RFWD3: variants seen among roughly 807,000 people sequenced by gnomAD.
RFWD3 encodes E3 ubiquitin-protein ligase RFWD3.
In RFWD3, 65 loss-of-function variants were observed where a neutral mutation model predicts 87.7. The observed-to-expected ratio is 0.74, with a 90% CI of 0.61 to 0.91. The LOEUF (loss-of-function observed/expected upper bound fraction) is 0.91, where lower values mean the gene tolerates loss of function less well. RFWD3 is among the 40% of genes least tolerant of loss of function. RFWD3 has a pLI of 0.00. For missense variants in RFWD3, 1,078 were observed against 938.5 expected (o/e 1.15, Z -1.94); for synonymous variants, 433 against 352.8 (o/e 1.23, Z -2.55).
Position 74,625,744 on chromosome 16 carries a change from G to A in RFWD3, c.2181+599C>T, listed in dbSNP as rs1396946289. 2.0e-5 allele frequency among the ~76,000 whole-genome samples: 3 copies of A among 152,178 alleles called. No individual in the cohort carries two copies. In the East Asian group the frequency reaches 5.8e-4, roughly 29 times the overall value. On this transcript the variant is annotated intron_variant, in intron 12 of 12. Transcript: ENST00000361070. ...CTTCTAGAGTGGCACTATACAATAT[G>A]GTGGCCTCTAGTCACACAAGTTTAT...
At chr16:74,656,308 CAAAA>C (rs71158534) in intron 2 of RFWD3, among the ~76,000 whole-genome samples, 3 of 64,216 alleles carry the variant, frequency 4.7e-5, no homozygotes, top group African/African-American at 1.5e-4. Context: ...CTTGTCTTGC[CAAAA>C]AAAAAAAAAA....
At chr16:74,633,261 G>A (rs1196071240) in intron 8 of RFWD3, among the ~76,000 whole-genome samples, 1 of 120,284 alleles carries the variant, frequency 8.3e-6, no homozygotes, top group Non-Finnish European at 1.6e-5. Flanking sequence ...TGGGCAACCA[G>A]AGCAAAACTC....
chr16:74,637,387 G>A (rs1440118240), intron 7 of RFWD3, among the ~76,000 whole-genome samples: 1 of 152,158 alleles, frequency 6.6e-6, no homozygotes, highest in Non-Finnish European at 1.5e-5. Context: ...AGCACTTTGG[G>A]AAGCCAAGGC....
At position 74,639,063 on chromosome 16, in the gene RFWD3, G is replaced by A. The variant is rs189501175; in HGVS notation, c.1080-1093C>T. Among the ~76,000 whole-genome samples, 366 of 134,170 alleles carry A rather than the reference G, an allele frequency of 2.7e-3. 1 individual carries two copies. The highest frequency in any genetic ancestry group is 8.9e-3 in the African/African-American group (316 of 35,420). The allele number at this position is 134,170 out of a possible 152,430, so 88.0% of individuals were successfully genotyped here. Reference sequence around the variant, plus strand: ...TTTTTTTTTTTTTTTTTTTTAGCCCGAGTCTCACTCCATTGCCTAGGCTGC... The same window carrying A: ...TTTTTTTTTTTTTTTTTTTTAGCCCAAGTCTCACTCCATTGCCTAGGCTGC... On this transcript the variant is annotated intron_variant, in intron 6 of 12. Transcript: ENST00000361070.
chr16:74,650,817 C>T (rs1251460829), intron 3 of RFWD3, among the ~76,000 whole-genome samples: 2 of 151,476 alleles, frequency 1.3e-5, no homozygotes, highest in Non-Finnish European at 2.9e-5. Flanking sequence ...GTCAAGGCTG[C>T]GGTGAGCTGT....
chr16:74,666,267 G>A lies in RFWD3; in HGVS notation c.-3+519C>T, dbSNP rs116170072. 366 of 152,282 alleles carry A rather than the reference G, an allele frequency of 2.4e-3. 1 individual carries two copies. The highest frequency in any genetic ancestry group is 8.3e-3 in the African/African-American group (344 of 41,562). 9.4% of individuals were successfully genotyped at this position (152,282 alleles called of 1,614,324 possible). A position where few individuals can be genotyped will look rare whatever the true frequency, so the allele number is the denominator to read the frequency against. ...TTAAATCCCTGTTCTTTTACTACAT[G>A]GGGAAACTTTGGGCGGGTTTCCTAA... On this transcript the variant is annotated intron_variant, in intron 1 of 12. Coordinates refer to ENST00000361070, the MANE Select transcript of RFWD3 (RefSeq NM_018124.4).
rs183164422 is a variant in RFWD3 at position 74,637,762 on chromosome 16, A to T, written c.1194+94T>A. Reference sequence around the variant, plus strand: ...TGTTCATTTCCTAAACAACTTGGCAAATCCTATTTGTTTCTGAGATGAACA... The same window carrying T: ...TGTTCATTTCCTAAACAACTTGGCATATCCTATTTGTTTCTGAGATGAACA... On this transcript the variant is annotated intron_variant, in intron 7 of 12. Coordinates refer to ENST00000361070, the MANE Select transcript of RFWD3 (RefSeq NM_018124.4). The T allele has an allele frequency of 2.0e-4, 183 of 898,406 alleles. 1 individual carries two copies. The African/African-American group carries it at 2.7e-3, about 13-fold the overall frequency. 55.7% of individuals were successfully genotyped at this position (898,406 alleles called of 1,614,324 possible).
At chr16:74,661,509 G>C in intron 1 of RFWD3, 58 bp from the exon 2 acceptor site, 2 of 1,358,184 alleles carry the variant, frequency 1.5e-6, no homozygotes, top group Non-Finnish European at 2.0e-6. Flanking sequence ...TGCTATGTAG[G>C]TGACAGAATC....
At position 74,647,945 on chromosome 16, in the gene RFWD3, T is replaced by C. The variant is rs148909927; in HGVS notation, c.792+1187A>G. On this transcript the variant is annotated intron_variant, in intron 4 of 12. Coordinates refer to ENST00000361070, the MANE Select transcript of RFWD3 (RefSeq NM_018124.4). The stretch of plus-strand genomic sequence containing the variant: ...CTACTAACCATATTCTGCCTGATTT[T>C]TTTTTAATTTTAATTTTTTTATTGA... Among the ~76,000 whole-genome samples, 343 of 152,192 alleles carry C rather than the reference T, an allele frequency of 2.3e-3. 2 individuals carry two copies. Among genetic ancestry groups the C allele is most frequent in the African/African-American group, 7.5e-3 (311 of 41,526 alleles).
intron 6 of RFWD3, among the ~76,000 whole-genome samples, chr16:74,642,837 G>C (rs1256084925): frequency 6.6e-6 from 1 of 152,160 alleles, no homozygotes; most frequent in African/African-American, 2.4e-5. Flanking sequence ...AAAACATTAA[G>C]ATTTGATAAA....
intron 12 of RFWD3, among the ~76,000 whole-genome samples, chr16:74,624,478 A>C (rs1958863027): frequency 6.6e-6 from 1 of 152,140 alleles, no homozygotes; most frequent in Non-Finnish European, 1.5e-5. Flanking sequence ...TTACTGCAAC[A>C]TCTGCCTCCT....
chr16:74,630,086 T>C (rs1014812938), intron 10 of RFWD3, among the ~76,000 whole-genome samples: 2 of 152,212 alleles, frequency 1.3e-5, no homozygotes, highest in East Asian at 3.8e-4. Flanking sequence ...TCCTATGTGC[T>C]AGACATGTGG....
intron 6 of RFWD3, among the ~76,000 whole-genome samples, chr16:74,641,638 T>C (rs1959655349): frequency 6.6e-6 from 1 of 151,620 alleles, no homozygotes; most frequent in South Asian, 2.1e-4. Flanking sequence ...GTATAAAAAC[T>C]TTCTGGCCGG....
Position 74,636,408 on chromosome 16 carries a change from T to C in RFWD3, c.1364A>G (p.Tyr455Cys), listed in dbSNP as rs200354694. ...CACCAGGCAGCTCAGAGCATCACAG[T>C]ATGCCATGATCCGGCAGTTTCCTGC... ...SQAGNCRIMA[Y>C]CDALSCLVIS... Residue 455 changes from tyrosine to cysteine, a missense_variant, in exon 8 of 13, where the codon TAC becomes TGC. Transcript: ENST00000361070. The C allele has an allele frequency of 5.0e-5, 81 of 1,614,120 alleles. No individual in the cohort carries two copies. In the Admixed American group the frequency reaches 5.3e-4, roughly 11 times the overall value.
At chr16:74,632,072 GAC>G (rs1959114889) in intron 9 of RFWD3, among the ~76,000 whole-genome samples, 1 of 152,104 alleles carries the variant, frequency 6.6e-6, no homozygotes, top group African/African-American at 2.4e-5. Flanking sequence ...GATCTCAGAA[GAC>G]ACAGTCTCAG....
chr16:74,654,177 T>C (rs1960790081), intron 2 of RFWD3, among the ~76,000 whole-genome samples: 3 of 152,296 alleles, frequency 2.0e-5, no homozygotes, highest in Non-Finnish European at 4.4e-5. Flanking sequence ...TCTTTCATTC[T>C]TCATTTTAGT....
chr16:74,659,389 T>C (rs1001424929), intron 2 of RFWD3, among the ~76,000 whole-genome samples: 1 of 152,126 alleles, frequency 6.6e-6, no homozygotes, highest in African/African-American at 2.4e-5. Context: ...AACACAAATG[T>C]ATGAAATCTT....
At chr16:74,664,351 A>G (rs1366268379) in intron 1 of RFWD3, 5 of 152,412 alleles carry the variant, frequency 3.3e-5, no homozygotes, top group Admixed American at 1.3e-4. Context: ...CTCAAGAGAC[A>G]TTAAGCAACT....
chr16:74,625,497 G>A (rs980931217), intron 12 of RFWD3, among the ~76,000 whole-genome samples: 3 of 144,426 alleles, frequency 2.1e-5, no homozygotes, highest in South Asian at 2.3e-4. Context: ...CTGGGTAACA[G>A]AGCGAGACCG....
Sources: allele counts gnomAD v4.1 joint callset (sites outside exome capture counted in the v4.1 genomes callset), GRCh38; gene constraint gnomAD v4.1.1; transcripts MANE v1.5; gene names NCBI Gene and HGNC (gene_info 2026-07-23, HGNC 2026-07-21).